The following NBPF9 variants were observed in gnomAD, a reference collection of about 807,000 sequenced individuals.
NBPF9 encodes the protein NBPF member 9.
In NBPF9, 91 loss-of-function variants were observed where a neutral mutation model predicts 97.8. The observed-to-expected ratio is 0.93, with a 90% CI of 0.79 to 1.11. The LOEUF (loss-of-function observed/expected upper bound fraction) is 1.11, where lower values mean the gene tolerates loss of function less well. Ranked by LOEUF, NBPF9 falls within the 50% of genes least tolerant of loss-of-function variation. The pLI is 0.00. For missense variants in NBPF9, 992 were observed against 939.5 expected (o/e 1.06, Z -0.73); for synonymous variants, 334 against 359.5 (o/e 0.93, Z 0.80).
chr1:149,093,373 C>G (rs1486426528), intron 4 of NBPF9, among the ~76,000 whole-genome samples: 11 of 151,988 alleles, frequency 7.2e-5, no homozygotes, highest in Admixed American at 3.3e-4. Flanking sequence ...CCTCTTATCT[C>G]AACTGCAAAG....
Position 149,059,374 on chromosome 1 carries a change from G to A in NBPF9, c.2586-277C>T, listed in dbSNP as rs2078452798. On this transcript the variant is annotated intron_variant, in intron 25 of 29. Transcript: ENST00000584027. ...TGATGAAGGAGTAAAAGGACACTCT[G>A]AGTTCGTGCCCTCATGACACACAGC... is the stretch of plus-strand genomic sequence containing the variant. 9.1e-6 allele frequency: 4 copies of A among 441,918 alleles called. 1 individual carries two copies. The highest frequency in any genetic ancestry group is 1.7e-5 in the Non-Finnish European group (4 of 239,460). 27.4% of individuals were successfully genotyped at this position (441,918 alleles called of 1,614,324 possible).
In NBPF9 at chr1:149,073,852, T is replaced by C. The variant is rs1553653629; in HGVS notation, c.1007A>G (p.Asp336Gly). Residue 336 changes from aspartate to glycine, a missense_variant, in exon 13 of 30, where the codon GAC becomes GGC. By Grantham distance (94) the Asp-to-Gly change is moderately conservative. Transcript: ENST00000584027. ...ATTCCTCAGCATAAATTTTATGAGG[T>C]CTTTACACTCTTCATACTCTGAGAA... The C allele has an allele frequency of 2.1e-6, 3 of 1,440,660 alleles. No individual in the cohort carries two copies. In the African/African-American group the frequency reaches 4.1e-5, roughly 20 times the overall value. 89.2% of individuals were successfully genotyped at this position (1,440,660 alleles called of 1,614,324 possible). A position where few individuals can be genotyped will look rare whatever the true frequency, so the allele number is the denominator to read the frequency against.
chr1:149,081,407 G>A (rs1330594518), intron 7 of NBPF9, among the ~76,000 whole-genome samples: 5,931 of 150,668 alleles, frequency 0.039, 385 homozygotes, highest in African/African-American at 0.14. Context: ...AGTGAGCCAC[G>A]TTGCACGGCC....
At chr1:149,069,719 C>A (rs1401155956) in intron 16 of NBPF9, 74 bp from the exon 17 acceptor site, 11 of 915,430 alleles carry the variant, frequency 1.2e-5, no homozygotes, top group Non-Finnish European at 2.0e-5. Flanking sequence ...ACTGTCCAGT[C>A]ATAGCCAAGG....
intron 18 of NBPF9, chr1:149,064,802 T>G (rs113039886): frequency 1.7e-6 from 1 of 574,846 alleles, no homozygotes; most frequent in Admixed American, 3.0e-5. Context: ...ATAGGAGAGA[T>G]ACTTCAATAT....
intron 11 of NBPF9, among the ~76,000 whole-genome samples, chr1:149,076,489 C>A (rs1438766581): frequency 2.0e-5 from 3 of 149,714 alleles, no homozygotes; most frequent in Non-Finnish European, 4.5e-5. Context: ...AGCCAGCGCC[C>A]CTGGTCAGAG....
intron 4 of NBPF9, among the ~76,000 whole-genome samples, chr1:149,095,505 CTG>C (rs1404306024): frequency 1.4e-5 from 2 of 147,018 alleles, no homozygotes; most frequent in African/African-American, 5.0e-5. Flanking sequence ...GTGAAAGACA[CTG>C]TTAAGAGAAT....
chr1:149,064,633 C>T, intron 18 of NBPF9, 151 bp from the exon 19 acceptor site: 1 of 626,938 alleles, frequency 1.6e-6, no homozygotes, highest in Non-Finnish European at 2.8e-6. Flanking sequence ...GGCCTGAGGT[C>T]AAGTCTTGAG....
chr1:149,055,558 G>A, exon 30 of NBPF9: 3 of 1,564,696 alleles, frequency 1.9e-6, no homozygotes, highest in East Asian at 2.2e-5. Flanking sequence ...CCCATCCTAT[G>A]TCTGGGCTTC....
chr1:149,075,218 C>T (rs2152899354), intron 12 of NBPF9, among the ~76,000 whole-genome samples: 1 of 151,878 alleles, frequency 6.6e-6, no homozygotes, highest in East Asian at 1.9e-4. Context: ...CACCAAGTTT[C>T]CCTCAGAGTC....
intron 12 of NBPF9, 57 bp downstream of exon 12, chr1:149,075,598 A>C: frequency 6.7e-7 from 1 of 1,486,972 alleles, no homozygotes; most frequent in Non-Finnish European, 9.4e-7. Context: ...TTAGTTCCTC[A>C]GAGAGAAGAC....
At chr1:149,062,102 C>G (rs1553650124) in exon 22 of NBPF9, 3 of 1,210,186 alleles carry the variant, frequency 2.5e-6, no homozygotes, top group Admixed American at 3.4e-5. Context: ...CTGTCCAAGT[C>G]AAGAGCCAAG....
At chr1:149,065,101 G>T (rs1298879396) in intron 18 of NBPF9, 1 of 591,364 alleles carries the variant, frequency 1.7e-6, no homozygotes, top group African/African-American at 1.9e-5. Flanking sequence ...AGGTAGACAA[G>T]GGTGACACTG....
At position 149,070,546 on chromosome 1, in the gene NBPF9, G is replaced by A. The variant is rs77989776; in HGVS notation, c.1585+388C>T. On this transcript the variant is annotated intron_variant, in intron 16 of 29. Coordinates refer to ENST00000584027, the Ensembl canonical transcript of NBPF9. ...CTGAGAGCAGTGAAGCCTGGGGAAC[G>A]ATATTTCCAAAAACAAAGGCAAGGC... Among the ~76,000 whole-genome samples, 3,741 of 143,950 alleles carry A rather than the reference G, an allele frequency of 0.026. 207 individuals are homozygous for A. In the East Asian group the frequency reaches 0.29, roughly 11 times the overall value. 94.4% of individuals were successfully genotyped at this position (143,950 alleles called of 152,430 possible). A position where few individuals can be genotyped will look rare whatever the true frequency, so the allele number is the denominator to read the frequency against.
chr1:149,098,556 G>A, exon 4 of NBPF9: 24 of 1,463,450 alleles, frequency 1.6e-5, no homozygotes, highest in Middle Eastern at 2.6e-4. Flanking sequence ...CTGGACAGTG[G>A]GAATTGGTGG....
chr1:149,081,244 C>A (rs587742493), intron 7 of NBPF9, among the ~76,000 whole-genome samples: 1 of 151,010 alleles, frequency 6.6e-6, no homozygotes, highest in East Asian at 2.0e-4. Context: ...CTCAGCCTCC[C>A]GATTAGTGGT....
rs1553648713 is a variant in NBPF9 at position 149,055,852 on chromosome 1, T to A, written c.3140A>T (p.Asp1047Val). 6 of 1,606,498 alleles carry A rather than the reference T, an allele frequency of 3.7e-6. No individual in the cohort carries two copies. In the Admixed American group the frequency reaches 8.4e-5, roughly 22 times the overall value. Residue 1047 changes from aspartate to valine, a missense_variant, in exon 30 of 30, where the codon GAC (aspartate) becomes GTC (valine). Around this residue, in one of 11 missense-constraint regions of NBPF9, gnomAD observed 397 missense variants for 213.6 expected, o/e 1.86. Transcript: ENST00000584027. ...AGTAGAATAACATCCATCCAGTGAG[T>A]CCTGCAAGACTTCAGGCTCTTCCAC...
intron 5 of NBPF9, among the ~76,000 whole-genome samples, chr1:149,084,352 CGT>C (rs1432493314): frequency 2.1e-5 from 3 of 144,844 alleles, no homozygotes; most frequent in Non-Finnish European, 4.5e-5. Context: ...AATATATATA[CGT>C]GTATATACAT....
intron 7 of NBPF9, among the ~76,000 whole-genome samples, chr1:149,080,449 T>C (rs1294893950): frequency 3.3e-5 from 5 of 150,968 alleles, no homozygotes; most frequent in Admixed American, 6.6e-5. Context: ...TGACTCTGAA[T>C]GCGGGGCCAC....
Sources: allele counts gnomAD v4.1 joint callset (sites outside exome capture counted in the v4.1 genomes callset), GRCh38; gene constraint gnomAD v4.1.1; regional missense constraint gnomAD v4.1.1; transcripts MANE v1.5; gene names NCBI Gene and HGNC (gene_info 2026-07-23, HGNC 2026-07-21).